Variants in TSNAXIP1 observed in about 807,000 individuals in gnomAD.
TSNAXIP1 encodes the protein translin-associated factor X-interacting protein 1.
Under a neutral mutation model 84.8 loss-of-function variants are expected in TSNAXIP1, and 89 were observed. That is an observed-to-expected ratio of 1.05 (90% CI 0.88 to 1.25). The LOEUF is 1.25. Ranked by LOEUF, TSNAXIP1 falls within the 50% of genes most tolerant of loss-of-function variation. TSNAXIP1 has a pLI of 0.00. For synonymous variants in TSNAXIP1, 347 were observed against 335.2 expected (o/e 1.04, Z -0.39); for missense variants, 874 against 887.6 (o/e 0.98, Z 0.20).
At chr16:67,815,861 G>A (rs1442175310) in intron 2 of TSNAXIP1, among the ~76,000 whole-genome samples, 1 of 150,710 alleles carries the variant, frequency 6.6e-6, no homozygotes, top group Non-Finnish European at 1.5e-5. Flanking sequence ...GCACAGTGGC[G>A]CGATCTCGGC....
At chr16:67,820,226 G>C (rs1189261296) in intron 2 of TSNAXIP1, among the ~76,000 whole-genome samples, 1 of 151,598 alleles carries the variant, frequency 6.6e-6, no homozygotes, top group Non-Finnish European at 1.5e-5. Flanking sequence ...AAAGTGCTGG[G>C]AATTACAGGC....
At chr16:67,814,605 T>C (rs932424051) in intron 2 of TSNAXIP1, among the ~76,000 whole-genome samples, 1 of 152,110 alleles carries the variant, frequency 6.6e-6, no homozygotes, top group East Asian at 1.9e-4. Context: ...ACTGGCTGCC[T>C]GCTCCTTATC....
Position 67,821,206 on chromosome 16 carries a change from C to T in TSNAXIP1, c.368C>T (p.Thr123Ile), listed in dbSNP as rs576542470. Reference sequence around the variant, plus strand: ...CTGCTGGACCTGGGCACAGATTCCACCCAGGAACTAAGGCTGCAGGTCAGA... The same window carrying T: ...CTGCTGGACCTGGGCACAGATTCCATCCAGGAACTAAGGCTGCAGGTCAGA... Reference protein sequence around the residue: ...LLLLDLGTDSTQELRLQPYRE... With the variant: ...LLLLDLGTDSIQELRLQPYRE... Residue 123 changes from threonine (T) to isoleucine (I), a missense_variant, in exon 4 of 16, where the codon ACC (threonine) becomes ATC (isoleucine). Physicochemically the swap from Thr to Ile is moderately conservative, Grantham distance 89. Coordinates refer to ENST00000561639, the MANE Select transcript of TSNAXIP1 (RefSeq NM_001288990.3). 17 of 1,608,626 alleles carry T rather than the reference C, an allele frequency of 1.1e-5. No individual in the cohort carries two copies. The East Asian group carries it at 3.6e-4, about 34-fold the overall frequency.
In TSNAXIP1 at chr16:67,827,314, G is replaced by A; in HGVS notation, c.1730G>A (p.Gly577Glu). The change falls in exon 14 of 16, where the codon GGG becomes GAG. Residue 577 changes from glycine (G) to glutamate (E), a missense_variant. Transcript: ENST00000561639. ...CAAATCCAGGAGCTGATGGAGGCAG[G>A]GGGCTGGCATCCCAGCAGCAGCAAT... ...EEQIQELMEA[G>E]GWHPSSSNAD... 1 of 1,614,218 alleles carries A rather than the reference G, an allele frequency of 6.2e-7. No homozygotes were observed. Among genetic ancestry groups the A allele is most frequent in the Non-Finnish European group, 8.5e-7 (1 of 1,180,028 alleles).
intron 2 of TSNAXIP1, among the ~76,000 whole-genome samples, chr16:67,820,044 TC>T (rs2151233981): frequency 6.6e-6 from 1 of 152,022 alleles, no homozygotes; most frequent in African/African-American, 2.4e-5. Flanking sequence ...GGTCTCGATC[TC>T]CTGACCTCGT....
At chr16:67,807,385 G>C (rs1162301881) in intron 1 of TSNAXIP1, 189 bp downstream of exon 1, 1 of 1,528,710 alleles carries the variant, frequency 6.5e-7, no homozygotes, top group African/African-American at 1.4e-5. Flanking sequence ...CTAGCAAAAC[G>C]GTAGGCGCAC....
At position 67,816,747 on chromosome 16, in the gene TSNAXIP1, C is replaced by T. The variant is rs2056582646; in HGVS notation, c.147+2346C>T. Among the ~76,000 whole-genome samples, 5 of 152,144 alleles carry T rather than the reference C, an allele frequency of 3.3e-5. No individual in the cohort carries two copies. In the South Asian group the frequency reaches 1.0e-3, roughly 32 times the overall value. ...TCCGGGGCCGCCTTCCCGTTTTTAC[C>T]TACAGGGGGAAGCAGAGAGCACGGA... On this transcript the variant is annotated intron_variant, in intron 2 of 15. Transcript: ENST00000561639.
chr16:67,823,358 C>G (rs1181349689), intron 4 of TSNAXIP1, among the ~76,000 whole-genome samples: 1 of 152,024 alleles, frequency 6.6e-6, no homozygotes, highest in Non-Finnish European at 1.5e-5. Flanking sequence ...TCCAGGCCAA[C>G]ATGGTGAAAC....
In TSNAXIP1 at chr16:67,827,462, G is replaced by A. The variant is rs907970246; in HGVS notation, c.1792-11G>A. Reference sequence around the variant, plus strand: ...CAATGTGCCCTCCCCCTGACTTGTGGCCCCTCCCAGGATGAGGAGGGCCAG... The same window carrying A: ...CAATGTGCCCTCCCCCTGACTTGTGACCCCTCCCAGGATGAGGAGGGCCAG... On this transcript the variant is annotated splice_polypyrimidine_tract_variant and intron_variant, in intron 14 of 15. Transcript: ENST00000561639. 5 of 1,614,152 alleles carry A rather than the reference G, an allele frequency of 3.1e-6. No individual in the cohort carries two copies. Among genetic ancestry groups the A allele is most frequent in the Non-Finnish European group, 4.2e-6 (5 of 1,180,024 alleles).
At position 67,823,690 on chromosome 16, in the gene TSNAXIP1, C is replaced by T. The variant is rs1273973179; in HGVS notation, c.452C>T (p.Ser151Phe). The T allele has an allele frequency of 6.2e-7, 1 of 1,613,742 alleles. No individual in the cohort carries two copies. The highest frequency in any genetic ancestry group is 1.7e-5 in the Admixed American group (1 of 59,982). ...DFKTYKPLLS[S>F]IKNAYEGMLA... ...AAAACGTACAAGCCATTACTATCCT[C>T]CATCAAGAATGCGTATGAGGGGATG... The change falls in exon 5 of 16, where the codon TCC becomes TTC. Residue 151 changes from serine (S) to phenylalanine (F), a missense_variant. By Grantham distance (155) the Ser-to-Phe change is radical. Coordinates refer to ENST00000561639, the MANE Select transcript of TSNAXIP1 (RefSeq NM_001288990.3).
Position 67,826,851 on chromosome 16 carries a change from T to C in TSNAXIP1, c.1554+7T>C. 1.2e-6 allele frequency: 2 copies of C among 1,613,168 alleles called. No individual in the cohort carries two copies. The highest frequency in any genetic ancestry group is 1.7e-6 in the Non-Finnish European group (2 of 1,179,860). On this transcript the variant is annotated splice_region_variant and intron_variant, in intron 12 of 15. Coordinates refer to ENST00000561639, the MANE Select transcript of TSNAXIP1 (RefSeq NM_001288990.3). Reference sequence around the variant, plus strand: ...TGCAGTCTTGATGGGAAAGGTGAGCTGGGGCCTATTCCCCTTGGGGAGACT... The same window carrying C: ...TGCAGTCTTGATGGGAAAGGTGAGCCGGGGCCTATTCCCCTTGGGGAGACT...
rs1319680107 is a variant in TSNAXIP1, at chr16:67,826,753, C to T, written c.1463C>T (p.Ala488Val). The change falls in exon 12 of 16, where the codon GCC becomes GTC. Residue 488 changes from alanine (A) to valine (V), a missense_variant. Ala to Val is a moderately conservative substitution (Grantham distance 64). Transcript: ENST00000561639. ...GAGCATCGCTTTGGGCCCAGTGATGCCATGGCCTGGGCTTATACTATTTTT... is the reference window on the plus strand; with the variant it reads ...GAGCATCGCTTTGGGCCCAGTGATGTCATGGCCTGGGCTTATACTATTTTT... ...FLEHRFGPSD[A>V]MAWAYTIFEN... 4 of 1,614,162 alleles carry T rather than the reference C, an allele frequency of 2.5e-6. No individual in the cohort carries two copies. The South Asian group carries it at 4.4e-5, about 18-fold the overall frequency.
chr16:67,809,329 G>A (rs1252917451), intron 1 of TSNAXIP1, among the ~76,000 whole-genome samples: 1 of 149,510 alleles, frequency 6.7e-6, no homozygotes, highest in Non-Finnish European at 1.5e-5. Flanking sequence ...TTAGCCAGGT[G>A]TGGTGGCTTG....
At chr16:67,808,796 G>C (rs146693718) in intron 1 of TSNAXIP1, among the ~76,000 whole-genome samples, 101 of 152,072 alleles carry the variant, frequency 6.6e-4, no homozygotes, top group African/African-American at 2.1e-3. Flanking sequence ...GAGAGAAAGA[G>C]AATTGTTACC....
At chr16:67,824,831 C>A (rs1567769146) in intron 6 of TSNAXIP1, 52 bp downstream of exon 6, 2 of 1,570,190 alleles carry the variant, frequency 1.3e-6, no homozygotes, top group South Asian at 1.2e-5. Context: ...CTGCCAACTC[C>A]ACGACAAGGG....
At chr16:67,815,066 C>T (rs986923199) in intron 2 of TSNAXIP1, among the ~76,000 whole-genome samples, 1 of 151,488 alleles carries the variant, frequency 6.6e-6, no homozygotes, top group African/African-American at 2.4e-5. Context: ...GCCTATAATC[C>T]CAGTACTCTG....
rs536367866 is a variant in TSNAXIP1, at chr16:67,810,987, T to G, written c.48-3315T>G. 7.2e-5 allele frequency among the ~76,000 whole-genome samples: 11 copies of G among 152,156 alleles called. No individual in the cohort carries two copies. In the East Asian group the frequency reaches 2.1e-3, roughly 29 times the overall value. On this transcript the variant is annotated intron_variant, in intron 1 of 15. Transcript: ENST00000561639. Reference sequence around the variant, plus strand: ...CTCCTGACCTCATGTCTTTTGTTTTTTTTTTTTCCTTTTTCTGGAGAACGG... The same window carrying G: ...CTCCTGACCTCATGTCTTTTGTTTTGTTTTTTTCCTTTTTCTGGAGAACGG...
Position 67,826,140 on chromosome 16 carries a change from C to G in TSNAXIP1, c.1145-12C>G. On this transcript the variant is annotated splice_polypyrimidine_tract_variant and intron_variant, in intron 9 of 15. Coordinates refer to ENST00000561639, the MANE Select transcript of TSNAXIP1 (RefSeq NM_001288990.3). The stretch of plus-strand genomic sequence containing the variant: ...GTGGGCCCAGACTCCAGCTCCCTCT[C>G]CCCACATGCAGATGTGGTGGCTGGG... The G allele has an allele frequency of 1.2e-6, 2 of 1,613,230 alleles. No individual in the cohort carries two copies. Among genetic ancestry groups the G allele is most frequent in the Non-Finnish European group, 1.7e-6 (2 of 1,179,546 alleles).
intron 1 of TSNAXIP1, 81 bp from the exon 2 acceptor site, chr16:67,814,221 C>A: frequency 8.6e-7 from 1 of 1,163,792 alleles, no homozygotes; most frequent in Non-Finnish European, 1.2e-6. Flanking sequence ...ACGGCTATGC[C>A]TTGTGGATCT....
Sources: gnomAD v4.1 joint callset for allele counts (sites outside exome capture counted in the v4.1 genomes callset) on GRCh38, gnomAD v4.1.1 for gene constraint, MANE v1.5 for transcripts, NCBI Gene and HGNC (gene_info 2026-07-23, HGNC 2026-07-21) for gene names.